Variants in BCKDHB observed in about 807,000 individuals in gnomAD.
The protein encoded by BCKDHB is 2-oxoisovalerate dehydrogenase subunit beta, mitochondrial.
In BCKDHB, 41 loss-of-function variants were observed where a neutral mutation model predicts 48.5. The ratio of observed to expected loss-of-function variants is 0.85; its 90% CI spans 0.66 to 1.10. BCKDHB has a LOEUF of 1.10. Among genes scored for constraint, BCKDHB ranks in the 50% least tolerant of loss-of-function variants. The pLI is 0.00. For synonymous variants in BCKDHB, 201 were observed against 174.8 expected (o/e 1.15, Z -1.18); for missense variants, 496 against 494.2 (o/e 1.00, Z -0.03).
chr6:80,162,514 C>G (rs1357887262), intron 3 of BCKDHB, among the ~76,000 whole-genome samples: 1 of 152,172 alleles, frequency 6.6e-6, no homozygotes, highest in Non-Finnish European at 1.5e-5. Flanking sequence ...CTCTACTGAT[C>G]ATTCCCATCA....
chr6:80,307,278 G>A (rs1227622456), intron 9 of BCKDHB, among the ~76,000 whole-genome samples: 2 of 152,170 alleles, frequency 1.3e-5, no homozygotes, highest in African/African-American at 4.8e-5. Context: ...AACTGAGGAT[G>A]ATTATAGCTA....
chr6:80,439,092 T>C, the BCKDHB span, among the ~76,000 whole-genome samples: 1 of 152,310 alleles, frequency 6.6e-6, no homozygotes, highest in Admixed American at 6.5e-5. Flanking sequence ...TTAATGAGTT[T>C]TGCTGAATGT....
the BCKDHB span, among the ~76,000 whole-genome samples, chr6:80,352,361 A>T: frequency 6.6e-6 from 1 of 152,058 alleles, no homozygotes; most frequent in Non-Finnish European, 1.5e-5. Flanking sequence ...AAACCTCTAT[A>T]TTGAGGAATG....
At position 80,168,849 on chromosome 6, in the gene BCKDHB, GC is replaced by G. The variant is rs776216744; in HGVS notation, c.478-22del. The G allele has an allele frequency of 1.9e-6, 3 of 1,613,800 alleles. No homozygotes were observed. The South Asian group carries it at 3.3e-5, about 18-fold the overall frequency. Reference sequence around the variant, plus strand: ...GGAAGGGAAGGACTCATTGTGCCATGCCCCGTCTTTCTTTCTGACCCTCAGA... The same window carrying G: ...GGAAGGGAAGGACTCATTGTGCCATGCCCGTCTTTCTTTCTGACCCTCAGA... On this transcript the variant is annotated intron_variant, in intron 4 of 9. Coordinates refer to ENST00000320393, the MANE Select transcript of BCKDHB (RefSeq NM_183050.4).
chr6:80,220,318 T>TTTTGTCATGTATTTTCC (rs1775366765), intron 8 of BCKDHB, among the ~76,000 whole-genome samples: 1 of 148,850 alleles, frequency 6.7e-6, no homozygotes, highest in Non-Finnish European at 1.5e-5. Context: ...TTTTTTTTTT[T>TTTTGTCATGTATTTTCC]TTGTCATGTA....
At chr6:80,116,500 C>T (rs1355723989) in intron 1 of BCKDHB, among the ~76,000 whole-genome samples, 1 of 152,328 alleles carries the variant, frequency 6.6e-6, no homozygotes, top group Non-Finnish European at 1.5e-5. Flanking sequence ...TTTAAGGATA[C>T]CAGTCCTCTT....
At chr6:80,263,881 G>C (rs685902) in intron 8 of BCKDHB, among the ~76,000 whole-genome samples, 137,157 of 152,156 alleles carry the variant, frequency 0.9, 61,866 homozygotes, top group Middle Eastern at 0.96. Flanking sequence ...CTTTAGAACT[G>C]TTATGATGGC....
chr6:80,455,616 C>T, the BCKDHB span, among the ~76,000 whole-genome samples: 1 of 151,454 alleles, frequency 6.6e-6, no homozygotes, highest in Non-Finnish European at 1.5e-5. Flanking sequence ...GGAGAAATTT[C>T]TCACTAGCTA....
intron 9 of BCKDHB, among the ~76,000 whole-genome samples, chr6:80,278,363 G>C (rs1022193015): frequency 6.6e-6 from 1 of 152,158 alleles, no homozygotes; most frequent in African/African-American, 2.4e-5. Context: ...TTAGTATTCT[G>C]TAAACAGCTT....
chr6:80,254,935 AT>A (rs1365754171), intron 8 of BCKDHB, among the ~76,000 whole-genome samples: 2 of 152,144 alleles, frequency 1.3e-5, no homozygotes, highest in Non-Finnish European at 2.9e-5. Context: ...GACAGATAAA[AT>A]TATCTCTCTG....
chr6:80,201,618 C>T (rs373516959), intron 7 of BCKDHB, among the ~76,000 whole-genome samples: 9 of 152,284 alleles, frequency 5.9e-5, no homozygotes, highest in African/African-American at 1.9e-4. Flanking sequence ...CTCATCATTA[C>T]TTTGCTGCTC....
Position 80,343,778 on chromosome 6 carries a change from G to A in BCKDHB, c.1153G>A (p.Ala385Thr). ...CCCAGACAAATGGAAGTGTTATGAT[G>A]CCCTTCGAAAAATGATCAACTATTG... ...YIPDKWKCYD[A>T]LRKMINY Residue 385 changes from alanine to threonine, a missense_variant, in exon 10 of 10, where the codon GCC becomes ACC. Coordinates refer to ENST00000320393, the MANE Select transcript of BCKDHB (RefSeq NM_183050.4). 6.2e-7 allele frequency: 1 copy of A among 1,613,842 alleles called. No individual in the cohort carries two copies. Among genetic ancestry groups the A allele is most frequent in the Non-Finnish European group, 8.5e-7 (1 of 1,179,936 alleles).
At chr6:80,128,448 A>G (rs1045891037) in intron 2 of BCKDHB, among the ~76,000 whole-genome samples, 26 of 152,148 alleles carry the variant, frequency 1.7e-4, no homozygotes, top group Non-Finnish European at 2.8e-4. Context: ...TTATGAGACT[A>G]GCATTCAGCT....
chr6:80,315,708 T>A (rs1562224891), intron 9 of BCKDHB, among the ~76,000 whole-genome samples: 1 of 152,100 alleles, frequency 6.6e-6, no homozygotes, highest in Non-Finnish European at 1.5e-5. Context: ...ATCTTCGAAC[T>A]CCTGGGCTCA....
chr6:80,213,571 C>CT (rs1414340093), intron 8 of BCKDHB, among the ~76,000 whole-genome samples: 1 of 152,094 alleles, frequency 6.6e-6, no homozygotes, highest in Non-Finnish European at 1.5e-5. Context: ...CAAATACACC[C>CT]TGTTACAAGA....
the BCKDHB span, among the ~76,000 whole-genome samples, chr6:80,425,700 C>A: frequency 6.6e-6 from 1 of 152,218 alleles, no homozygotes. Context: ...GTTCTTACAA[C>A]TACAACATCA....
chr6:80,382,138 T>C, the BCKDHB span, among the ~76,000 whole-genome samples: 1 of 152,136 alleles, frequency 6.6e-6, no homozygotes, highest in Non-Finnish European at 1.5e-5. Flanking sequence ...TCTTTGACAA[T>C]TATGGACTCC....
chr6:80,129,199 A>C lies in BCKDHB; in HGVS notation c.313A>C (p.Arg105=). 1 of 1,611,662 alleles carries C rather than the reference A, an allele frequency of 6.2e-7. No homozygotes were observed. Among genetic ancestry groups the C allele is most frequent in the South Asian group, 1.1e-5 (1 of 90,780 alleles). ...AGATGTTGCCTTTGGTGGAGTCTTT[A>C]GATGCACTGTTGGCTTGCGAGACAA... ...GEDVAFGGVF[R]CTVGLRDKYG... Residue 105 remains arginine (R), a synonymous_variant, in exon 3 of 10, where the codon AGA becomes CGA. Coordinates refer to ENST00000320393, the MANE Select transcript of BCKDHB (RefSeq NM_183050.4).
the BCKDHB span, among the ~76,000 whole-genome samples, chr6:80,394,035 C>T: frequency 0.014 from 2,135 of 152,216 alleles, 19 homozygotes; most frequent in Non-Finnish European, 0.023. Context: ...ACTCCATTTA[C>T]TTATAGAATC....
Sources: allele counts gnomAD v4.1 joint callset (sites outside exome capture counted in the v4.1 genomes callset), GRCh38; gene constraint gnomAD v4.1.1; transcripts MANE v1.5; gene names NCBI Gene and HGNC (gene_info 2026-07-23, HGNC 2026-07-21).